Variants in IFT56 observed in about 807,000 individuals in gnomAD.
IFT56 encodes the protein intraflagellar transport protein 56.
At chr7:139,137,829 T>C in the IFT56 span, 28 of 1,602,486 alleles carry the variant, frequency 1.7e-5, no homozygotes, top group East Asian at 4.5e-4. Context: ...GTTTTTTAAA[T>C]ACATTTTTAA....
chr7:139,158,382 T>A, the IFT56 span, among the ~76,000 whole-genome samples: 1 of 151,876 alleles, frequency 6.6e-6, no homozygotes, highest in Non-Finnish European at 1.5e-5. Context: ...AAGGAAAAGC[T>A]TTTGATGATA....
At chr7:139,166,879 A>T in the IFT56 span, 19 of 1,586,258 alleles carry the variant, frequency 1.2e-5, no homozygotes, top group Non-Finnish European at 1.6e-5. Context: ...AAGGATCTGG[A>T]ACCTACTACT....
chr7:139,148,281 T>A, the IFT56 span: 1 of 1,614,048 alleles, frequency 6.2e-7, no homozygotes, highest in African/African-American at 1.3e-5. Context: ...CTCAAGAAGT[T>A]TTGGCTGTTT....
the IFT56 span, among the ~76,000 whole-genome samples, chr7:139,160,657 C>A: frequency 6.6e-6 from 1 of 152,120 alleles, no homozygotes. Context: ...AACATGGTCT[C>A]GATCTGTTGA....
the IFT56 span, among the ~76,000 whole-genome samples, chr7:139,177,005 C>T: frequency 6.6e-6 from 1 of 151,728 alleles, no homozygotes. Context: ...AACCCCACCT[C>T]TACTAAAAAT....
At chr7:139,174,009 T>C in the IFT56 span, 5 of 625,194 alleles carry the variant, frequency 8.0e-6, no homozygotes, top group South Asian at 7.3e-5. Context: ...TTCATCTTTT[T>C]CATCAATGAG....
chr7:139,164,312 A>G, the IFT56 span, among the ~76,000 whole-genome samples: 1 of 152,232 alleles, frequency 6.6e-6, no homozygotes, highest in South Asian at 2.1e-4. Context: ...TACTAATGCC[A>G]TTTAGAGATG....
At chr7:139,190,479 T>G in the IFT56 span, 1 of 152,228 alleles carries the variant, frequency 6.6e-6, no homozygotes, top group Non-Finnish European at 1.5e-5. Context: ...TCTCCTGACC[T>G]CGTGATCCGC....
chr7:139,183,638 A>T, the IFT56 span, among the ~76,000 whole-genome samples: 1 of 152,064 alleles, frequency 6.6e-6, no homozygotes, highest in East Asian at 1.9e-4. Context: ...CAAGAAATTC[A>T]CTTTAAATAT....
At chr7:139,181,891 G>A in the IFT56 span, among the ~76,000 whole-genome samples, 4 of 152,232 alleles carry the variant, frequency 2.6e-5, no homozygotes, top group East Asian at 1.9e-4. Context: ...ATCAAAATAC[G>A]GTTATGAAGT....
At chr7:139,188,851 T>C in the IFT56 span, among the ~76,000 whole-genome samples, 1 of 152,244 alleles carries the variant, frequency 6.6e-6, no homozygotes, top group Non-Finnish European at 1.5e-5. Context: ...TTTGGCTTTG[T>C]AAAATTTTAT....
At chr7:139,151,928 G>A in the IFT56 span, among the ~76,000 whole-genome samples, 1 of 152,122 alleles carries the variant, frequency 6.6e-6, no homozygotes, top group African/African-American at 2.4e-5. Flanking sequence ...GGGCATGGTG[G>A]CACATGCCTG....
At chr7:139,141,115 G>C in the IFT56 span, among the ~76,000 whole-genome samples, 9 of 151,416 alleles carry the variant, frequency 5.9e-5, no homozygotes, top group Non-Finnish European at 1.3e-4. Flanking sequence ...AAAAAAATTA[G>C]CCAGGCGTGG....
the IFT56 span, chr7:139,168,251 T>TTA: frequency 1.4e-6 from 1 of 735,788 alleles, no homozygotes; most frequent in Non-Finnish European, 2.1e-6. Context: ...CTTTGATACT[T>TTA]TATATAAAGT....
the IFT56 span, among the ~76,000 whole-genome samples, chr7:139,150,588 T>A: frequency 2.0e-5 from 3 of 152,224 alleles, no homozygotes; most frequent in African/African-American, 7.2e-5. Context: ...TAGAAGGCTA[T>A]GTCAAATGTA....
chr7:139,178,774 T>C, the IFT56 span, among the ~76,000 whole-genome samples: 1 of 152,296 alleles, frequency 6.6e-6, no homozygotes, highest in East Asian at 1.9e-4. Flanking sequence ...TAGTCCCAGC[T>C]ACTTGGGAGG....
the IFT56 span, chr7:139,134,572 C>T: frequency 2.3e-5 from 34 of 1,459,350 alleles, no homozygotes; most frequent in African/African-American, 4.2e-4. Flanking sequence ...CCGGCCTTGA[C>T]TTATAAATTA....
chr7:139,136,580 A>G, the IFT56 span, among the ~76,000 whole-genome samples: 1 of 152,016 alleles, frequency 6.6e-6, no homozygotes, highest in African/African-American at 2.4e-5. Flanking sequence ...CCTCCCAAGT[A>G]GCTGAGACTA....
At chr7:139,150,533 G>A in the IFT56 span, among the ~76,000 whole-genome samples, 1 of 152,098 alleles carries the variant, frequency 6.6e-6, no homozygotes, top group African/African-American at 2.4e-5. Flanking sequence ...CTTTGAAATT[G>A]TGTCAATGTA....
Sources: allele counts gnomAD v4.1 joint callset (sites outside exome capture counted in the v4.1 genomes callset), GRCh38; gene constraint gnomAD v4.1.1; transcripts MANE v1.5; gene names NCBI Gene and HGNC (gene_info 2026-07-23, HGNC 2026-07-21).